Variants in POTEH observed in about 807,000 individuals in gnomAD.
POTEH encodes the protein POTE ankyrin domain family member H.
POTEH carries 6 observed loss-of-function variants against 41.7 expected under a neutral mutation model. The ratio of observed to expected loss-of-function variants is 0.14; its 90% CI spans 0.08 to 0.28. The LOEUF is 0.28. Ranked by LOEUF, POTEH falls within the 10% of genes least tolerant of loss-of-function variation. The pLI is 1.00. For synonymous variants in POTEH, 38 were observed against 179.9 expected, an observed-to-expected ratio of 0.21 and a Z score of 6.31; for missense variants, 115 against 533.5, an observed-to-expected ratio of 0.22 and a Z score of 7.73.
rs369654083 is a variant in POTEH at position 15,690,525 on chromosome 22, G to A, written c.448G>A (p.Gly150Ser). ...CTGCTTCCCCTGCTGCAGGGGGAGCGGCAAGAACAAAGTGGGCCCTTGGGG... is the reference window on the plus strand; with the variant it reads ...CTGCTTCCCCTGCTGCAGGGGGAGCAGCAAGAACAAAGTGGGCCCTTGGGG... ...CHCFPCCRGS[G>S]KNKVGPWGDY... Residue 150 changes from glycine (G) to serine (S), a missense_variant, in exon 1 of 11, where the codon GGC becomes AGC. Transcript: ENST00000343518. The A allele has an allele frequency of 3.7e-5, 53 of 1,415,342 alleles. 3 individuals carry two copies. The highest frequency in any genetic ancestry group is 1.6e-4 in the East Asian group (7 of 43,472). 87.7% of individuals were successfully genotyped at this position (1,415,342 alleles called of 1,614,324 possible). A position where few individuals can be genotyped will look rare whatever the true frequency, so the allele number is the denominator to read the frequency against.
At chr22:15,692,965 G>T (rs1301941167) in intron 1 of POTEH, among the ~76,000 whole-genome samples, 2 of 124,322 alleles carry the variant, frequency 1.6e-5, no homozygotes, top group African/African-American at 2.9e-5. Flanking sequence ...GTTTTTCTTA[G>T]TATTGCTTAA....
At chr22:15,691,021 T>C (rs1235878061) in intron 1 of POTEH, among the ~76,000 whole-genome samples, 1 of 142,690 alleles carries the variant, frequency 7.0e-6, no homozygotes, top group Non-Finnish European at 1.6e-5. Flanking sequence ...AACAATGTTC[T>C]ATACATTAAA....
Position 15,690,115 on chromosome 22 carries a change from C to T in POTEH, c.38C>T (p.Ser13Phe), listed in dbSNP as rs1239171764. The T allele has an allele frequency of 2.1e-6, 3 of 1,407,270 alleles. 1 individual carries two copies. The Admixed American group carries it at 5.9e-5, about 28-fold the overall frequency. 87.2% of individuals were successfully genotyped at this position (1,407,270 alleles called of 1,614,324 possible). A position where few individuals can be genotyped will look rare whatever the true frequency, so the allele number is the denominator to read the frequency against. Residue 13 changes from serine to phenylalanine, a missense_variant, in exon 1 of 11, where the codon TCT becomes TTT. Ser to Phe is a radical substitution (Grantham distance 155). Coordinates refer to ENST00000343518, the MANE Select transcript of POTEH (RefSeq NM_001136213.1). ...AEAGSMPAAS[S>F]VKKPFGLRSK... is the part of the protein sequence containing the mutation. ...GCTGGTTCAATGCCGGCTGCCTCCTCTGTGAAGAAGCCATTTGGTCTCAGA... is the reference window on the plus strand; with the variant it reads ...GCTGGTTCAATGCCGGCTGCCTCCTTTGTGAAGAAGCCATTTGGTCTCAGA...
In POTEH at chr22:15,716,511, ATGT is replaced by A. The variant is rs1417533216; in HGVS notation, c.1521-3144_1521-3142del. On this transcript the variant is annotated intron_variant, in intron 9 of 10. Coordinates refer to ENST00000343518, the MANE Select transcript of POTEH (RefSeq NM_001136213.1). ...CTTTTTTCTCTGTACAATAATAGTG[ATGT>A]TGTTATACATTTTTATCTCATTAAA... 1.9e-4 allele frequency among the ~76,000 whole-genome samples: 10 copies of A among 52,804 alleles called. 1 individual carries two copies. The highest frequency in any genetic ancestry group is 5.3e-4 in the African/African-American group (8 of 15,180). The allele number at this position is 52,804 out of a possible 152,430, so 34.6% of individuals were successfully genotyped here.
Position 15,690,405 on chromosome 22 carries a change from A to AG in POTEH, c.333dup (p.Ser112GlufsTer77). 7.2e-7 allele frequency: 1 copy of AG among 1,385,420 alleles called. No individual in the cohort carries two copies. The highest frequency in any genetic ancestry group is 9.9e-7 in the Non-Finnish European group (1 of 1,006,480). The allele number at this position is 1,385,420 out of a possible 1,614,324, so 85.8% of individuals were successfully genotyped here. A position where few individuals can be genotyped will look rare whatever the true frequency, so the allele number is the denominator to read the frequency against. On this transcript the variant is annotated frameshift_variant, in exon 1 of 11. Transcript: ENST00000343518. LOFTEE classifies it high-confidence loss of function. ...GTGCTGCCACTGCTTCCCCTGCTGC[A>AG]GGGGGAGCGGCAAGAGCAACGTGGG...
rs1467060128 is a variant in POTEH at position 15,690,770 on chromosome 22, T to A, written c.632+61T>A. 5.0e-6 allele frequency: 7 copies of A among 1,391,186 alleles called. 1 individual carries two copies. Among genetic ancestry groups the A allele is most frequent in the East Asian group, 2.3e-5 (1 of 43,560 alleles). 86.2% of individuals were successfully genotyped at this position (1,391,186 alleles called of 1,614,324 possible). ...GGAGGATGATGGGGACATACCCTCC[T>A]GGCCGGGGAGGAGGGGAGCCTGGTT... On this transcript the variant is annotated intron_variant, in intron 1 of 10. Transcript: ENST00000343518.
At position 15,717,230 on chromosome 22, in the gene POTEH, A is replaced by C. The variant is rs1324367043; in HGVS notation, c.1521-2430A>C. ...ACACTGGCTGATTCCATATCTTTGCATATTGTGAATTGTGCTGCAGTAAAC... is the reference window on the plus strand; with the variant it reads ...ACACTGGCTGATTCCATATCTTTGCCTATTGTGAATTGTGCTGCAGTAAAC... On this transcript the variant is annotated intron_variant, in intron 9 of 10. Transcript: ENST00000343518. 3.3e-5 allele frequency among the ~76,000 whole-genome samples: 3 copies of C among 91,182 alleles called. 1 individual carries two copies. The highest frequency in any genetic ancestry group is 7.3e-5 in the Non-Finnish European group (3 of 41,322). The allele number at this position is 91,182 out of a possible 152,430, so 59.8% of individuals were successfully genotyped here. A position where few individuals can be genotyped will look rare whatever the true frequency, so the allele number is the denominator to read the frequency against.
intron 9 of POTEH, among the ~76,000 whole-genome samples, chr22:15,719,429 C>T (rs1379633817): frequency 5.1e-4 from 77 of 150,044 alleles, no homozygotes; most frequent in South Asian, 3.4e-3. Context: ...CTTGAATCAT[C>T]CTGGAACCAT....
At chr22:15,690,827 G>A in intron 1 of POTEH, 118 bp downstream of exon 1, 2 of 1,300,950 alleles carry the variant, frequency 1.5e-6, no homozygotes, top group East Asian at 2.3e-5. Flanking sequence ...CACCACCCTG[G>A]ATGTGGAAAC....
intron 3 of POTEH, chr22:15,697,355 C>CT (rs752949267): frequency 0.028 from 2,207 of 77,590 alleles, 6 homozygotes; most frequent in South Asian, 0.037. Flanking sequence ...ATTAATCTGA[C>CT]TTTTTTTTTT....
intron 6 of POTEH, among the ~76,000 whole-genome samples, chr22:15,705,353 C>CTTTG (rs1248524149): frequency 0.016 from 232 of 14,134 alleles, no homozygotes; most frequent in Non-Finnish European, 0.022. Flanking sequence ...ATATGTTGGC[C>CTTTG]TTTTTTTTTT....
intron 9 of POTEH, among the ~76,000 whole-genome samples, chr22:15,711,387 C>T (rs1176888223): frequency 5.3e-5 from 8 of 151,926 alleles, no homozygotes; most frequent in African/African-American, 1.7e-4. Flanking sequence ...GTTTTTTGGT[C>T]GTCTCCCTCC....
chr22:15,705,353 C>CTTTGT (rs1248524149), intron 6 of POTEH, among the ~76,000 whole-genome samples: 226 of 14,102 alleles, frequency 0.016, no homozygotes, highest in Admixed American at 0.021. Context: ...ATATGTTGGC[C>CTTTGT]TTTTTTTTTT....
intron 9 of POTEH, among the ~76,000 whole-genome samples, chr22:15,711,397 C>T (rs1206112346): frequency 6.6e-6 from 1 of 151,776 alleles, no homozygotes; most frequent in Non-Finnish European, 1.5e-5. Context: ...CGTCTCCCTC[C>T]TGCCACTCTC....
chr22:15,691,839 A>C (rs1356942845), intron 1 of POTEH, among the ~76,000 whole-genome samples: 1 of 149,306 alleles, frequency 6.7e-6, no homozygotes, highest in Non-Finnish European at 1.5e-5. Context: ...TTATTTAAAA[A>C]AGATGGATTG....
chr22:15,710,666 A>T (rs1989795859), intron 8 of POTEH, among the ~76,000 whole-genome samples: 1 of 152,126 alleles, frequency 6.6e-6, no homozygotes, highest in Non-Finnish European at 1.5e-5. Context: ...AACTTTACAA[A>T]AATTTCTGTG....
chr22:15,711,369 G>T (rs866277556), intron 9 of POTEH, among the ~76,000 whole-genome samples: 1 of 142,104 alleles, frequency 7.0e-6, no homozygotes, highest in Non-Finnish European at 1.6e-5. Context: ...CAAAATACTC[G>T]AATGGTAGTT....
At chr22:15,691,067 A>G (rs1196623781) in intron 1 of POTEH, among the ~76,000 whole-genome samples, 1 of 144,046 alleles carries the variant, frequency 6.9e-6, no homozygotes, top group Non-Finnish European at 1.6e-5. Context: ...GAAGCCCCAT[A>G]ACACATCAAC....
intron 1 of POTEH, among the ~76,000 whole-genome samples, chr22:15,692,116 T>G (rs1255511387): frequency 7.6e-6 from 1 of 130,960 alleles, no homozygotes; most frequent in Non-Finnish European, 1.7e-5. Context: ...AGCAATTCTC[T>G]GCTTCAGCCT....
Sources: gnomAD v4.1 joint callset for allele counts (sites outside exome capture counted in the v4.1 genomes callset) on GRCh38, gnomAD v4.1.1 for gene constraint, MANE v1.5 for transcripts, NCBI Gene and HGNC (gene_info 2026-07-23, HGNC 2026-07-21) for gene names.